The following ROR1 variants were observed in gnomAD, a reference collection of about 807,000 sequenced individuals.
The protein encoded by ROR1 is inactive tyrosine-protein kinase transmembrane receptor ROR1.
Under a neutral mutation model 78.8 loss-of-function variants are expected in ROR1, and 19 were observed. The observed-to-expected ratio is 0.24, with a 90% CI of 0.17 to 0.35. ROR1 has a LOEUF of 0.35. Ranked by LOEUF, ROR1 falls within the 10% of genes least tolerant of loss-of-function variation. The pLI is 1.00. For synonymous variants in ROR1, 386 were observed against 433.6 expected (o/e 0.89, Z 1.36); for missense variants, 917 against 1,177.8 (o/e 0.78, Z 3.24).
intron 1 of ROR1, among the ~76,000 whole-genome samples, chr1:63,844,694 T>C (rs1366360581): frequency 1.3e-5 from 2 of 152,250 alleles, no homozygotes; most frequent in South Asian, 2.1e-4. Flanking sequence ...GAGTCCAGTG[T>C]AGGGAGTTTG....
At chr1:64,069,009 T>C (rs1233620053) in intron 4 of ROR1, among the ~76,000 whole-genome samples, 1 of 152,224 alleles carries the variant, frequency 6.6e-6, no homozygotes, top group Non-Finnish European at 1.5e-5. Flanking sequence ...AAAATAATTA[T>C]TTCTTTTACC....
At chr1:63,866,828 A>C (rs538731642) in intron 1 of ROR1, among the ~76,000 whole-genome samples, 1 of 152,188 alleles carries the variant, frequency 6.6e-6, no homozygotes, top group African/African-American at 2.4e-5. Flanking sequence ...TTCTGTACAG[A>C]AAGTTATTTT....
At chr1:64,074,984 C>G (rs539078566) in intron 4 of ROR1, among the ~76,000 whole-genome samples, 70 of 152,250 alleles carry the variant, frequency 4.6e-4, no homozygotes, top group Non-Finnish European at 9.0e-4. Flanking sequence ...CTGTTGAGTG[C>G]TTATTAGTGT....
chr1:64,060,201 A>G (rs77960135), intron 4 of ROR1, among the ~76,000 whole-genome samples: 6,771 of 152,296 alleles, frequency 0.044, 508 homozygotes, highest in African/African-American at 0.15. Flanking sequence ...GCATTGTTGA[A>G]AAGATTAAAT....
intron 1 of ROR1, among the ~76,000 whole-genome samples, chr1:63,814,529 A>G (rs1644878002): frequency 6.6e-6 from 1 of 152,030 alleles, no homozygotes; most frequent in South Asian, 2.1e-4. Flanking sequence ...AAATAATTAT[A>G]TAACTCACAA....
At chr1:63,959,184 A>G (rs936723240) in intron 1 of ROR1, among the ~76,000 whole-genome samples, 7 of 152,198 alleles carry the variant, frequency 4.6e-5, no homozygotes, top group Non-Finnish European at 8.8e-5. Flanking sequence ...AAAAGGGGGA[A>G]AAGCCCCTTA....
chr1:63,833,767 TCTGCTTGC>T (rs1394817180), intron 1 of ROR1, among the ~76,000 whole-genome samples: 2 of 152,124 alleles, frequency 1.3e-5, no homozygotes, highest in African/African-American at 2.4e-5. Flanking sequence ...TATTTGGACT[TCTGCTTGC>T]CTGCTTGCGT....
chr1:64,098,434 C>T (rs987606080), intron 4 of ROR1, among the ~76,000 whole-genome samples: 4 of 152,196 alleles, frequency 2.6e-5, no homozygotes, highest in Admixed American at 1.3e-4. Context: ...TTGGAGGTTC[C>T]GCGGTCTCTC....
intron 1 of ROR1, among the ~76,000 whole-genome samples, chr1:63,971,842 A>G (rs2100498003): frequency 6.6e-6 from 1 of 152,282 alleles, no homozygotes; most frequent in South Asian, 2.1e-4. Context: ...AGCAGATGAT[A>G]AAGCCCTTGT....
At chr1:64,151,301 A>T (rs1649614670) in intron 7 of ROR1, among the ~76,000 whole-genome samples, 2 of 152,180 alleles carry the variant, frequency 1.3e-5, no homozygotes, top group South Asian at 4.1e-4. Context: ...GATATAGTCA[A>T]CCCTCAGCAA....
intron 4 of ROR1, among the ~76,000 whole-genome samples, chr1:64,121,447 A>G (rs560570808): frequency 1.3e-5 from 2 of 152,130 alleles, no homozygotes; most frequent in Non-Finnish European, 1.5e-5. Context: ...TTGATGGACA[A>G]CTAGAAGTCT....
At chr1:63,789,380 G>A (rs1644711735) in intron 1 of ROR1, 2 of 368,672 alleles carry the variant, frequency 5.4e-6, no homozygotes, top group East Asian at 5.8e-5. Context: ...CTCTGAGTGG[G>A]CAAAGCCAGT....
chr1:63,822,374 TC>T (rs1294453234), intron 1 of ROR1, among the ~76,000 whole-genome samples: 2 of 152,224 alleles, frequency 1.3e-5, no homozygotes, highest in Non-Finnish European at 2.9e-5. Context: ...ATGATTTTAT[TC>T]CTTTATTCTA....
intron 1 of ROR1, among the ~76,000 whole-genome samples, chr1:63,955,892 T>C (rs769118223): frequency 3.3e-5 from 5 of 152,222 alleles, no homozygotes; most frequent in Non-Finnish European, 5.9e-5. Flanking sequence ...GAAGGCCATC[T>C]GAGTCCTAGG....
At chr1:64,162,542 T>G (rs972100607) in intron 8 of ROR1, among the ~76,000 whole-genome samples, 1 of 152,244 alleles carries the variant, frequency 6.6e-6, no homozygotes, top group African/African-American at 2.4e-5. Context: ...GATGGAGATG[T>G]CCTGGCTCCC....
intron 1 of ROR1, among the ~76,000 whole-genome samples, chr1:63,913,244 G>A (rs1467098347): frequency 1.3e-5 from 2 of 152,024 alleles, no homozygotes; most frequent in African/African-American, 4.8e-5. Flanking sequence ...ATAGACATGT[G>A]TAATATACAT....
chr1:63,782,815 C>T (rs141456631), intron 1 of ROR1, among the ~76,000 whole-genome samples: 58 of 152,146 alleles, frequency 3.8e-4, no homozygotes, highest in African/African-American at 1.3e-3. Context: ...TGGCCTTTAC[C>T]CTTGGGGAGT....
At chr1:64,013,695 CA>C (rs1646495250) in intron 2 of ROR1, among the ~76,000 whole-genome samples, 2 of 152,330 alleles carry the variant, frequency 1.3e-5, no homozygotes, top group Admixed American at 1.3e-4. Flanking sequence ...ATCCTTCCAT[CA>C]ACCCCTTTGA....
At chr1:63,956,436 G>A (rs1194033383) in intron 1 of ROR1, among the ~76,000 whole-genome samples, 3 of 152,172 alleles carry the variant, frequency 2.0e-5, no homozygotes, top group East Asian at 3.9e-4. Flanking sequence ...AAGCTAACTC[G>A]TAGGGTCATT....
Sources: gnomAD v4.1 joint callset for allele counts (sites outside exome capture counted in the v4.1 genomes callset) on GRCh38, gnomAD v4.1.1 for gene constraint, MANE v1.5 for transcripts, NCBI Gene and HGNC (gene_info 2026-07-23, HGNC 2026-07-21) for gene names.